The following GRM7 variants were observed in gnomAD, a reference collection of about 807,000 sequenced individuals.
The protein encoded by GRM7 is glutamate metabotropic receptor 7.
A neutral mutation model predicts 84.5 loss-of-function variants in GRM7; 35 were observed. The observed-to-expected ratio is 0.41, with a 90% confidence interval of 0.32 to 0.55. The LOEUF (loss-of-function observed/expected upper bound fraction) is 0.55. Ranked by LOEUF, GRM7 falls within the 20% of genes least tolerant of loss-of-function variation. The pLI, the probability that GRM7 is intolerant of heterozygous loss-of-function variation, is 0.19. For synonymous variants in GRM7, 487 were observed against 455.1 expected (o/e 1.07, Z -0.89); for missense variants, 1,003 against 1,194.6 (o/e 0.84, Z 2.36).
chr3:7,256,582 T>G (rs1698209505), intron 2 of GRM7, among the ~76,000 whole-genome samples: 1 of 152,074 alleles, frequency 6.6e-6, no homozygotes, highest in African/African-American at 2.4e-5. Context: ...TATGGCTATT[T>G]TATCTGTGAA....
chr3:7,021,446 C>T (rs1464875907), intron 1 of GRM7, among the ~76,000 whole-genome samples: 1 of 152,172 alleles, frequency 6.6e-6, no homozygotes, highest in African/African-American at 2.4e-5. Context: ...GAAGTGCTTT[C>T]CTCACCTAGA....
At position 7,312,818 on chromosome 3, in the gene GRM7, C is replaced by G. The variant is rs79827376; in HGVS notation, c.1033+6166C>G. Among the ~76,000 whole-genome samples the G allele has an allele frequency of 3.9e-3, 595 of 152,140 alleles. 11 individuals are homozygous for G. In the East Asian group the frequency reaches 0.04, roughly 10 times the overall value. On this transcript the variant is annotated intron_variant, in intron 4 of 9. Coordinates refer to ENST00000357716, the MANE Select transcript of GRM7 (RefSeq NM_000844.4). ...CAACTATATAACATTTTATCCAAAC[C>G]AGAACACCTTAGAAGTAAAAGGGCC...
At chr3:7,036,388 T>C (rs1171800171) in intron 1 of GRM7, among the ~76,000 whole-genome samples, 2 of 152,204 alleles carry the variant, frequency 1.3e-5, no homozygotes, top group East Asian at 1.9e-4. Context: ...GTGCCTCATA[T>C]GTCTCTGTTT....
chr3:7,635,440 C>G (rs1698050552), intron 8 of GRM7, among the ~76,000 whole-genome samples: 1 of 152,182 alleles, frequency 6.6e-6, no homozygotes, highest in Admixed American at 6.5e-5. Flanking sequence ...AACCTAACTC[C>G]TTAATAAAAT....
chr3:7,448,224 C>G (rs929853548), intron 5 of GRM7, among the ~76,000 whole-genome samples: 1 of 151,316 alleles, frequency 6.6e-6, no homozygotes, highest in East Asian at 1.9e-4. Flanking sequence ...GTGCATGTGT[C>G]TTTATAGCAG....
At chr3:6,947,594 T>G (rs1173404219) in intron 1 of GRM7, among the ~76,000 whole-genome samples, 5 of 152,234 alleles carry the variant, frequency 3.3e-5, no homozygotes, top group African/African-American at 1.2e-4. Flanking sequence ...GGATTCCCTC[T>G]TTTTCTATTG....
rs569466704 is a variant in GRM7 at position 6,991,428 on chromosome 3, C to A, written c.519+129521C>A. On this transcript the variant is annotated intron_variant, in intron 1 of 9. Transcript: ENST00000357716. The stretch of plus-strand genomic sequence containing the variant: ...CAAAAAAATGTGAACGTTGCAAGAA[C>A]AAATTTAGTATTCGAAGCAAATGAG... Among the ~76,000 whole-genome samples the A allele has an allele frequency of 1.3e-5, 2 of 152,126 alleles. 1 individual carries two copies. Among genetic ancestry groups the A allele is most frequent in the South Asian group, 4.2e-4 (2 of 4,806 alleles).
chr3:7,044,693 G>A (rs1203960862), intron 1 of GRM7, among the ~76,000 whole-genome samples: 2 of 151,938 alleles, frequency 1.3e-5, no homozygotes, highest in Non-Finnish European at 2.9e-5. Flanking sequence ...TTCTCCTATG[G>A]AAATGTGGTG....
At chr3:7,350,820 G>A (rs575048300) in intron 4 of GRM7, among the ~76,000 whole-genome samples, 1 of 152,136 alleles carries the variant, frequency 6.6e-6, no homozygotes, top group Non-Finnish European at 1.5e-5. Context: ...GTAAACCAGA[G>A]AACGTCCTGT....
intron 9 of GRM7, among the ~76,000 whole-genome samples, chr3:7,734,782 T>C (rs1364319854): frequency 6.6e-6 from 1 of 152,234 alleles, no homozygotes; most frequent in Non-Finnish European, 1.5e-5. Flanking sequence ...GTCATGTTCT[T>C]CATTCTTTAG....
intron 7 of GRM7, among the ~76,000 whole-genome samples, chr3:7,503,365 A>C (rs1699940536): frequency 6.6e-6 from 1 of 151,858 alleles, no homozygotes; most frequent in South Asian, 2.1e-4. Flanking sequence ...CCTTTCCACC[A>C]AGAGAATAAA....
At chr3:6,994,593 A>G (rs1293932631) in intron 1 of GRM7, among the ~76,000 whole-genome samples, 5 of 152,198 alleles carry the variant, frequency 3.3e-5, no homozygotes, top group Admixed American at 3.3e-4. Flanking sequence ...AATTTTTTTT[A>G]AAAGAACGTT....
intron 2 of GRM7, among the ~76,000 whole-genome samples, chr3:7,195,905 TAGTC>T (rs1407008092): frequency 6.6e-6 from 1 of 152,164 alleles, no homozygotes; most frequent in African/African-American, 2.4e-5. Context: ...TCTGTTGTGT[TAGTC>T]AGGGTTCTCC....
chr3:7,547,194 C>CTT lies in GRM7; in HGVS notation c.1516-31199_1516-31198dup, dbSNP rs55678792. Among the ~76,000 whole-genome samples, 23 of 76,420 alleles carry CTT rather than the reference C, an allele frequency of 3.0e-4. 1 individual carries two copies. Among genetic ancestry groups the CTT allele is most frequent in the African/African-American group, 6.9e-4 (12 of 17,418 alleles). 50.1% of individuals were successfully genotyped at this position (76,420 alleles called of 152,430 possible). A position where few individuals can be genotyped will look rare whatever the true frequency, so the allele number is the denominator to read the frequency against. The stretch of plus-strand genomic sequence containing the variant: ...CAGCACAGCCCCCAGAGAGTGAATT[C>CTT]TTTTTTTTTTTTTTTTTTTTTTTTT... On this transcript the variant is annotated intron_variant, in intron 7 of 9. Transcript: ENST00000357716.
At chr3:7,622,626 A>C (rs2125089378) in intron 8 of GRM7, among the ~76,000 whole-genome samples, 1 of 152,186 alleles carries the variant, frequency 6.6e-6, no homozygotes, top group East Asian at 1.9e-4. Context: ...GATGGAGCTG[A>C]AATCCCAAAG....
intron 4 of GRM7, among the ~76,000 whole-genome samples, chr3:7,335,667 A>G (rs1482623379): frequency 6.6e-6 from 1 of 152,082 alleles, no homozygotes; most frequent in African/African-American, 2.4e-5. Flanking sequence ...AGTGAAATTA[A>G]CCACAAAAAG....
At chr3:7,205,673 G>A (rs936937782) in intron 2 of GRM7, among the ~76,000 whole-genome samples, 1 of 152,190 alleles carries the variant, frequency 6.6e-6, no homozygotes, top group Non-Finnish European at 1.5e-5. Context: ...CAGTGTCTGG[G>A]TAATTATGTG....
chr3:7,291,133 C>G (rs1699605608), intron 2 of GRM7, among the ~76,000 whole-genome samples: 1 of 151,440 alleles, frequency 6.6e-6, no homozygotes, highest in South Asian at 2.1e-4. Flanking sequence ...TTGTAATTTT[C>G]TTGACTTTTT....
chr3:7,229,746 TATATATATATATA>T (rs1303088648), intron 2 of GRM7, among the ~76,000 whole-genome samples: 1,893 of 40,428 alleles, frequency 0.047, 205 homozygotes, highest in African/African-American at 0.12. Context: ...TATATATATA[TATATATATATATA>T]TTTTTTTTTT....
Sources: allele counts gnomAD v4.1 joint callset (sites outside exome capture counted in the v4.1 genomes callset), GRCh38; gene constraint gnomAD v4.1.1; transcripts MANE v1.5; gene names NCBI Gene and HGNC (gene_info 2026-07-23, HGNC 2026-07-21).